The following CACNG7 variants were observed in gnomAD, a reference collection of about 807,000 sequenced individuals.
CACNG7 encodes calcium voltage-gated channel auxiliary subunit gamma 7, also known as voltage-dependent calcium channel gamma-7 subunit.
A neutral mutation model predicts 26.3 loss-of-function variants in CACNG7; 9 were observed. The observed-to-expected ratio is 0.34, with a 90% CI of 0.21 to 0.60. CACNG7 has a LOEUF of 0.60. Ranked by LOEUF, CACNG7 falls within the 20% of genes least tolerant of loss-of-function variation. The pLI is 0.81. For missense variants in CACNG7, 297 were observed against 380.4 expected, an observed-to-expected ratio of 0.78 and a Z score of 1.82; for synonymous variants, 170 against 157.0, an observed-to-expected ratio of 1.08 and a Z score of -0.62.
Position 53,942,896 on chromosome 19 carries a change from C to G in CACNG7, c.*603C>G, listed in dbSNP as rs1421785736. On this transcript the variant is annotated 3_prime_UTR_variant, in exon 6 of 6. Transcript: ENST00000391767. The surrounding 1 kb of genome is among the most constrained non-coding windows in gnomAD (Gnocchi z 5.9). ...GAAGCCACGGGTACGGTTAACCTGG[C>G]CCTTCCCTCCCCATCTCCCCTACTT... 1 of 152,702 alleles carries G rather than the reference C, an allele frequency of 6.5e-6. No individual in the cohort carries two copies. The highest frequency in any genetic ancestry group is 1.5e-5 in the Non-Finnish European group (1 of 68,406). The allele number at this position is 152,702 out of a possible 1,614,324, so 9.5% of individuals were successfully genotyped here.
chr19:53,933,914 T>A (rs2069089638), intron 4 of CACNG7, among the ~76,000 whole-genome samples: 1 of 152,122 alleles, frequency 6.6e-6, no homozygotes, highest in African/African-American at 2.4e-5. Flanking sequence ...TTATTTATTT[T>A]TGATACAGAG....
chr19:53,913,927 A>T (rs1273563570), intron 2 of CACNG7, among the ~76,000 whole-genome samples: 1 of 151,772 alleles, frequency 6.6e-6, no homozygotes, highest in African/African-American at 2.4e-5. Flanking sequence ...GTTGCTTAAG[A>T]CCTAGAGTTC....
At chr19:53,920,790 T>A (rs1382010139) in intron 4 of CACNG7, among the ~76,000 whole-genome samples, 2 of 80,186 alleles carry the variant, frequency 2.5e-5, no homozygotes, top group African/African-American at 7.9e-5. Flanking sequence ...CCCAGGCTGG[T>A]CATTGGTGGA....
In CACNG7 at chr19:53,919,843, T is replaced by G. The variant is rs547235689; in HGVS notation, c.424+4338T>G. 4.8e-4 allele frequency among the ~76,000 whole-genome samples: 67 copies of G among 138,586 alleles called. No individual in the cohort carries two copies. In the Admixed American group the frequency reaches 4.9e-3, roughly 10 times the overall value. The allele number at this position is 138,586 out of a possible 152,430, so 90.9% of individuals were successfully genotyped here. ...GCCCCAGGTCTGGTCATTGGTGGAGTTGCCCCAGGCTGGTCATTGGTGGAC... is the reference window on the plus strand; with the variant it reads ...GCCCCAGGTCTGGTCATTGGTGGAGGTGCCCCAGGCTGGTCATTGGTGGAC... On this transcript the variant is annotated intron_variant, in intron 4 of 5. Coordinates refer to ENST00000391767, the MANE Select transcript of CACNG7 (RefSeq NM_031896.5).
intron 4 of CACNG7, among the ~76,000 whole-genome samples, chr19:53,921,586 T>C (rs1335977112): frequency 5.5e-5 from 4 of 73,164 alleles, no homozygotes; most frequent in Admixed American, 1.4e-4. Flanking sequence ...TTGCCCCAGG[T>C]CTGGTCATTG....
intron 4 of CACNG7, among the ~76,000 whole-genome samples, chr19:53,921,790 A>T (rs1201237464): frequency 1.5e-5 from 1 of 68,676 alleles, no homozygotes; most frequent in East Asian, 3.9e-4. Context: ...TCATTGGTGG[A>T]GTTGTCCCCA....
intron 4 of CACNG7, among the ~76,000 whole-genome samples, chr19:53,924,682 C>G (rs528322626): frequency 1.4e-5 from 2 of 143,624 alleles, no homozygotes; most frequent in Admixed American, 1.4e-4. Context: ...GGTGGAGTTG[C>G]CCCAGGTCTG....
Position 53,938,101 on chromosome 19 carries a change from C to A in CACNG7, c.425-3369C>A, listed in dbSNP as rs2069116489. On this transcript the variant is annotated intron_variant, in intron 4 of 5. Transcript: ENST00000391767. ...GTGGCTCACGCTTGTAATCCCAGCA[C>A]TTTGGGAGGCCAAGGTGGAAGAACT... is the stretch of plus-strand genomic sequence containing the variant. 2.0e-5 allele frequency among the ~76,000 whole-genome samples: 3 copies of A among 151,900 alleles called. No homozygotes were observed. The South Asian group carries it at 6.3e-4, about 32-fold the overall frequency.
Position 53,941,531 on chromosome 19 carries a change from C to A in CACNG7, c.486C>A (p.Asn162Lys), listed in dbSNP as rs759629903. ...YISSINDEVM[N>K]RPSSSEQYFH... ...CCAGCATCAACGACGAGGTCATGAA[C>A]AGGCCCAGCAGCTCTGAGCAGTATT... is the stretch of plus-strand genomic sequence containing the variant. Residue 162 changes from asparagine (N) to lysine (K), a missense_variant, in exon 5 of 6, where the codon AAC becomes AAA. Transcript: ENST00000391767. 6.2e-7 allele frequency: 1 copy of A among 1,602,684 alleles called. No individual in the cohort carries two copies. The highest frequency in any genetic ancestry group is 2.3e-5 in the East Asian group (1 of 44,334).
intron 4 of CACNG7, among the ~76,000 whole-genome samples, chr19:53,925,020 ACTT>A (rs1341661464): frequency 0.011 from 1,099 of 101,842 alleles, 8 homozygotes; most frequent in African/African-American, 0.012. Flanking sequence ...GTATTGGTGG[ACTT>A]GCCTAGGGCT....
At chr19:53,913,097 T>C in intron 2 of CACNG7, 70 bp downstream of exon 2, 1 of 1,372,526 alleles carries the variant, frequency 7.3e-7, no homozygotes. Context: ...TTAGCCATAG[T>C]CCCATCCCTT....
rs114368589 is a variant in CACNG7 at position 53,928,366 on chromosome 19, G to A, written c.424+12861G>A. Reference sequence around the variant, plus strand: ...GGCTCACTGCTACCTTTACCTCTTCGGTTCAAGCAATTCTCATGCCTCAGC... The same window carrying A: ...GGCTCACTGCTACCTTTACCTCTTCAGTTCAAGCAATTCTCATGCCTCAGC... On this transcript the variant is annotated intron_variant, in intron 4 of 5. Transcript: ENST00000391767. 4.1e-3 allele frequency among the ~76,000 whole-genome samples: 629 copies of A among 152,104 alleles called. 5 individuals are homozygous for A. The highest frequency in any genetic ancestry group is 0.014 in the African/African-American group (586 of 41,482).
chr19:53,923,506 G>T (rs2068985575), intron 4 of CACNG7, among the ~76,000 whole-genome samples: 1 of 133,894 alleles, frequency 7.5e-6, no homozygotes, highest in Non-Finnish European at 1.6e-5. Context: ...TCCCAGGCTG[G>T]TCATTGGTGG....
intron 4 of CACNG7, among the ~76,000 whole-genome samples, chr19:53,934,238 TG>T (rs1345489379): frequency 6.6e-6 from 1 of 152,232 alleles, no homozygotes; most frequent in African/African-American, 2.4e-5. Context: ...ACACTTCATT[TG>T]TTCCTCTTTC....
chr19:53,931,217 G>GATA (rs2069069247), intron 4 of CACNG7, among the ~76,000 whole-genome samples: 1 of 151,998 alleles, frequency 6.6e-6, no homozygotes, highest in Non-Finnish European at 1.5e-5. Flanking sequence ...ATAAATAGAA[G>GATA]AATAATACAT....
chr19:53,932,692 C>G (rs1291423011), intron 4 of CACNG7, among the ~76,000 whole-genome samples: 1 of 151,994 alleles, frequency 6.6e-6, no homozygotes, highest in Non-Finnish European at 1.5e-5. Flanking sequence ...AAAACGGTCC[C>G]TCTCCTATTT....
chr19:53,941,982 G>T (rs111799778), intron 5 of CACNG7, 54 bp from the exon 6 acceptor site: 1 of 1,514,242 alleles, frequency 6.6e-7, no homozygotes, highest in Non-Finnish European at 8.9e-7. Context: ...ATGAGTCGGG[G>T]TCCGGGGATG....
Position 53,912,616 on chromosome 19 carries a change from C to T in CACNG7, c.-29-187C>T. The T allele has an allele frequency of 1.8e-6, 1 of 550,516 alleles. No individual in the cohort carries two copies. Among genetic ancestry groups the T allele is most frequent in the South Asian group, 2.4e-5 (1 of 41,888 alleles). The allele number at this position is 550,516 out of a possible 1,614,324, so 34.1% of individuals were successfully genotyped here. A position where few individuals can be genotyped will look rare whatever the true frequency, so the allele number is the denominator to read the frequency against. ...GGGGAGCCCAGCCCTGAGGCTGAGG[C>T]TCAACAGTTGGTGTCTCTGGTCAGA... On this transcript the variant is annotated intron_variant, in intron 1 of 5. Transcript: ENST00000391767. The surrounding 1 kb of genome is among the most constrained non-coding windows in gnomAD (Gnocchi z 4.6).
At chr19:53,925,410 T>C (rs190955073) in intron 4 of CACNG7, among the ~76,000 whole-genome samples, 3,576 of 143,242 alleles carry the variant, frequency 0.025, 132 homozygotes, top group African/African-American at 0.085. Flanking sequence ...CCAGGTCTGG[T>C]CATTGGTGGA....
Sources: gnomAD v4.1 joint callset for allele counts (sites outside exome capture counted in the v4.1 genomes callset) on GRCh38, gnomAD v4.1.1 for gene constraint, Gnocchi (gnomAD v3.1) non-coding constraint, MANE v1.5 for transcripts, NCBI Gene and HGNC (gene_info 2026-07-23, HGNC 2026-07-21) for gene names.